The following ACOXL variants were observed in gnomAD, a reference collection of about 807,000 sequenced individuals.
The protein encoded by ACOXL is acyl-coenzyme A oxidase-like protein.
Under a neutral mutation model 71.9 loss-of-function variants are expected in ACOXL, and 70 were observed. The ratio of observed to expected loss-of-function variants is 0.97; its 90% confidence interval spans 0.80 to 1.19. The LOEUF (loss-of-function observed/expected upper bound fraction) is 1.19. Ranked by LOEUF, ACOXL falls within the 50% of genes most tolerant of loss-of-function variation. The probability of loss-of-function intolerance (pLI) is 0.00; values close to 1 mark genes in which losing one functional copy is unlikely to be tolerated. For missense variants in ACOXL, 703 were observed against 736.3 expected (o/e 0.95, Z 0.52); for synonymous variants, 253 against 281.6 (o/e 0.90, Z 1.02).
chr2:110,974,378 C>T (rs2062352430), intron 12 of ACOXL, among the ~76,000 whole-genome samples: 1 of 152,152 alleles, frequency 6.6e-6, no homozygotes, highest in South Asian at 2.1e-4. Flanking sequence ...TACATGTTTC[C>T]CTTTAAGCAA....
intron 17 of ACOXL, 42 bp from the exon 18 acceptor site, chr2:111,117,574 T>A: frequency 6.5e-7 from 1 of 1,546,870 alleles, no homozygotes; most frequent in South Asian, 1.2e-5. Context: ...TGGCTGTAAG[T>A]GTGCCAACAT....
intron 7 of ACOXL, 51 bp from the exon 8 acceptor site, chr2:110,801,601 A>G (rs1686004796): frequency 3.3e-6 from 5 of 1,520,426 alleles, no homozygotes; most frequent in Non-Finnish European, 2.7e-6. Context: ...GGGAAGTAGC[A>G]GGGAAAATAC....
rs73956489 is a variant in ACOXL at position 110,974,012 on chromosome 2, G to A, written c.1060-13096G>A. On this transcript the variant is annotated intron_variant, in intron 12 of 17. Coordinates refer to ENST00000439055, the MANE Select transcript of ACOXL (RefSeq NM_001142807.4). Reference sequence around the variant, plus strand: ...GAAGCCTGCCAGGTGACTGCCCTGCGTTGGACCCGGAGTTTTCTGCTGCTG... The same window carrying A: ...GAAGCCTGCCAGGTGACTGCCCTGCATTGGACCCGGAGTTTTCTGCTGCTG... Among the ~76,000 whole-genome samples, 450 of 152,274 alleles carry A rather than the reference G, an allele frequency of 3.0e-3. 1 individual carries two copies. Among genetic ancestry groups the A allele is most frequent in the African/African-American group, 0.01 (432 of 41,554 alleles).
At chr2:110,851,860 C>T (rs1013946844) in intron 10 of ACOXL, among the ~76,000 whole-genome samples, 2 of 152,226 alleles carry the variant, frequency 1.3e-5, no homozygotes, top group African/African-American at 4.8e-5. Context: ...TTCCAGACCT[C>T]ACCAGTGAGA....
intron 12 of ACOXL, among the ~76,000 whole-genome samples, chr2:110,982,529 C>A (rs957816783): frequency 2.6e-5 from 4 of 152,080 alleles, no homozygotes; most frequent in African/African-American, 9.7e-5. Context: ...ATGGGATGTC[C>A]AGCATCTAAA....
chr2:110,816,570 T>C (rs1010116699), intron 9 of ACOXL, among the ~76,000 whole-genome samples: 1 of 152,228 alleles, frequency 6.6e-6, no homozygotes, highest in Non-Finnish European at 1.5e-5. Context: ...CAGTGCTTAC[T>C]TGCTCCTTGG....
chr2:111,111,509 A>G (rs899349247), intron 17 of ACOXL, among the ~76,000 whole-genome samples: 1 of 152,208 alleles, frequency 6.6e-6, no homozygotes, highest in Admixed American at 6.5e-5. Context: ...AAATGCTACT[A>G]TGAGCAGCAT....
intron 14 of ACOXL, among the ~76,000 whole-genome samples, chr2:111,006,853 C>G (rs1169993123): frequency 6.6e-6 from 1 of 152,146 alleles, no homozygotes; most frequent in Non-Finnish European, 1.5e-5. Flanking sequence ...GCCACCGCAC[C>G]CGGCTGTCTT....
At chr2:111,105,920 T>G (rs1220422111) in intron 17 of ACOXL, among the ~76,000 whole-genome samples, 4 of 152,210 alleles carry the variant, frequency 2.6e-5, no homozygotes, top group East Asian at 1.9e-4. Flanking sequence ...AAGTAAAATG[T>G]CATTTCTCTT....
At chr2:111,048,230 G>A (rs977004991) in intron 15 of ACOXL, among the ~76,000 whole-genome samples, 3 of 152,158 alleles carry the variant, frequency 2.0e-5, no homozygotes, top group African/African-American at 7.2e-5. Context: ...TGGATGGGTG[G>A]GCTTGGGATG....
rs566312364 is a variant in ACOXL at position 110,881,518 on chromosome 2, G to A, written c.789-27271G>A. Among the ~76,000 whole-genome samples the A allele has an allele frequency of 9.2e-5, 14 of 152,092 alleles. No individual in the cohort carries two copies. In the East Asian group the frequency reaches 2.3e-3, roughly 25 times the overall value. On this transcript the variant is annotated intron_variant, in intron 10 of 17. Coordinates refer to ENST00000439055, the MANE Select transcript of ACOXL (RefSeq NM_001142807.4). The stretch of plus-strand genomic sequence containing the variant: ...TAAACTGTGCGTGTTTAAAATGTAC[G>A]ATTGATAGTTTTCACATTCATGGCA...
intron 1 of ACOXL, among the ~76,000 whole-genome samples, chr2:110,741,644 C>T (rs1677554957): frequency 6.6e-6 from 1 of 152,334 alleles, no homozygotes; most frequent in Middle Eastern, 3.4e-3. Flanking sequence ...TTGAGAAGTG[C>T]TGGATCCCCA....
intron 11 of ACOXL, among the ~76,000 whole-genome samples, chr2:110,911,503 A>T (rs926555802): frequency 6.6e-6 from 1 of 152,094 alleles, no homozygotes; most frequent in African/African-American, 2.4e-5. Context: ...AGCAACATAT[A>T]AAAAGGAGTA....
intron 17 of ACOXL, among the ~76,000 whole-genome samples, chr2:111,094,763 C>T (rs1439881510): frequency 6.6e-6 from 1 of 152,196 alleles, no homozygotes; most frequent in African/African-American, 2.4e-5. Flanking sequence ...CAGAGTTCAG[C>T]TATTAACAGA....
At chr2:110,986,532 A>G (rs942759167) in intron 12 of ACOXL, among the ~76,000 whole-genome samples, 3 of 152,194 alleles carry the variant, frequency 2.0e-5, no homozygotes, top group African/African-American at 4.8e-5. Context: ...CCTCGTTCAC[A>G]TGTCTAGTGG....
intron 9 of ACOXL, among the ~76,000 whole-genome samples, chr2:110,809,800 G>A (rs771333210): frequency 1.3e-5 from 2 of 152,200 alleles, no homozygotes; most frequent in African/African-American, 2.4e-5. Flanking sequence ...AGCCAGCCAG[G>A]GTTGGTCAGT....
chr2:110,765,547 T>C (rs1207905453), intron 1 of ACOXL, among the ~76,000 whole-genome samples: 3 of 152,236 alleles, frequency 2.0e-5, no homozygotes, highest in Non-Finnish European at 4.4e-5. Context: ...TAAAATATCT[T>C]AGATCAGGTT....
chr2:111,089,573 T>C (rs774026706), intron 16 of ACOXL, among the ~76,000 whole-genome samples: 1 of 152,210 alleles, frequency 6.6e-6, no homozygotes, highest in Non-Finnish European at 1.5e-5. Context: ...AGGTAGGCCA[T>C]ATAAACAAGA....
At chr2:110,934,460 T>A (rs2060590075) in intron 12 of ACOXL, among the ~76,000 whole-genome samples, 1 of 152,252 alleles carries the variant, frequency 6.6e-6, no homozygotes, top group Non-Finnish European at 1.5e-5. Context: ...AATTTAATGC[T>A]GAACTTCATC....
Sources: gnomAD v4.1 joint callset for allele counts (sites outside exome capture counted in the v4.1 genomes callset) on GRCh38, gnomAD v4.1.1 for gene constraint, MANE v1.5 for transcripts, NCBI Gene and HGNC (gene_info 2026-07-23, HGNC 2026-07-21) for gene names.